SPMIP3: variants seen among roughly 807,000 people sequenced by gnomAD.
SPMIP3 encodes the protein sperm microtubule inner protein 3.
chr1:244,385,538 A>G, the SPMIP3 span, among the ~76,000 whole-genome samples: 1 of 152,070 alleles, frequency 6.6e-6, no homozygotes, highest in Admixed American at 6.6e-5. Flanking sequence ...CAAATAACTC[A>G]TTTTTCCAAA....
chr1:244,363,458 T>G, the SPMIP3 span, among the ~76,000 whole-genome samples: 1 of 151,916 alleles, frequency 6.6e-6, no homozygotes, highest in African/African-American at 2.4e-5. Context: ...AGAAACAACC[T>G]ATATGTTTAG....
chr1:244,360,546 ACACACACACACATG>A, the SPMIP3 span, among the ~76,000 whole-genome samples: 166 of 60,584 alleles, frequency 2.7e-3, no homozygotes, highest in African/African-American at 9.3e-3. Flanking sequence ...ACACACACAC[ACACACACACACATG>A]CATGCATGGA....
chr1:244,359,748 A>G, the SPMIP3 span, among the ~76,000 whole-genome samples: 4,488 of 151,992 alleles, frequency 0.03, 215 homozygotes, highest in African/African-American at 0.1. Flanking sequence ...ATTAATTAAA[A>G]TAAGCAAAAA....
At chr1:244,360,116 A>C in the SPMIP3 span, among the ~76,000 whole-genome samples, 3 of 152,162 alleles carry the variant, frequency 2.0e-5, no homozygotes, top group Non-Finnish European at 4.4e-5. Context: ...TAAAAAAAAA[A>C]AGTTCAACAT....
chr1:244,388,436 T>G, the SPMIP3 span, among the ~76,000 whole-genome samples: 1 of 150,824 alleles, frequency 6.6e-6, no homozygotes, highest in African/African-American at 2.4e-5. Context: ...CCTTTGCTAT[T>G]GACTGTTTTT....
chr1:244,382,610 T>G, the SPMIP3 span, among the ~76,000 whole-genome samples: 3 of 148,250 alleles, frequency 2.0e-5, no homozygotes, highest in African/African-American at 5.0e-5. Context: ...GTTTTTTTTT[T>G]TTTTTTTTTT....
At chr1:244,360,509 TACACACACACAC>T in the SPMIP3 span, among the ~76,000 whole-genome samples, 61 of 59,148 alleles carry the variant, frequency 1.0e-3, 1 homozygote, top group East Asian at 4.0e-3. Context: ...AAACGTGATA[TACACACACACAC>T]ACACACACAC....
At chr1:244,355,491 G>T in the SPMIP3 span, among the ~76,000 whole-genome samples, 2 of 151,832 alleles carry the variant, frequency 1.3e-5, no homozygotes, top group African/African-American at 2.4e-5. Flanking sequence ...GGGTTCAAGC[G>T]ATTCTCCTGC....
chr1:244,374,575 T>C, the SPMIP3 span, among the ~76,000 whole-genome samples: 1 of 150,010 alleles, frequency 6.7e-6, no homozygotes, highest in Admixed American at 6.8e-5. Context: ...GTTTACGGAT[T>C]CCCACATTTC....
At chr1:244,376,033 C>T in the SPMIP3 span, among the ~76,000 whole-genome samples, 1 of 152,106 alleles carries the variant, frequency 6.6e-6, no homozygotes, top group African/African-American at 2.4e-5. Context: ...AGTACTCTCA[C>T]CCATCATTCA....
the SPMIP3 span, among the ~76,000 whole-genome samples, chr1:244,379,074 G>A: frequency 4.6e-5 from 7 of 151,884 alleles, no homozygotes; most frequent in African/African-American, 9.7e-5. Flanking sequence ...GACTACAGGC[G>A]CCGCCACCAC....
chr1:244,379,908 C>A, the SPMIP3 span, among the ~76,000 whole-genome samples: 1 of 150,312 alleles, frequency 6.7e-6, no homozygotes, highest in Admixed American at 6.6e-5. Context: ...GCGGAGGTTG[C>A]GGTGAGCCGA....
the SPMIP3 span, among the ~76,000 whole-genome samples, chr1:244,380,838 A>G: frequency 6.6e-6 from 1 of 151,500 alleles, no homozygotes; most frequent in South Asian, 2.1e-4. Flanking sequence ...AGGGAGGGAG[A>G]GGTGGATCTT....
At chr1:244,376,566 A>T in the SPMIP3 span, 1 of 151,942 alleles carries the variant, frequency 6.6e-6, no homozygotes, top group African/African-American at 2.4e-5. Flanking sequence ...CATCACCCAG[A>T]GATAATCCTG....
At chr1:244,380,840 G>A in the SPMIP3 span, among the ~76,000 whole-genome samples, 1 of 152,108 alleles carries the variant, frequency 6.6e-6, no homozygotes, top group Admixed American at 6.6e-5. Flanking sequence ...GGAGGGAGAG[G>A]TGGATCTTGG....
chr1:244,374,566 T>A, the SPMIP3 span, among the ~76,000 whole-genome samples: 3 of 151,524 alleles, frequency 2.0e-5, no homozygotes, highest in Non-Finnish European at 4.4e-5. Flanking sequence ...GAGCCCTCCG[T>A]TTACGGATTC....
At chr1:244,377,083 C>T in the SPMIP3 span, among the ~76,000 whole-genome samples, 12 of 151,994 alleles carry the variant, frequency 7.9e-5, no homozygotes, top group African/African-American at 2.7e-4. Flanking sequence ...GATGGGATTA[C>T]AGGCATGAGC....
chr1:244,377,251 A>G, the SPMIP3 span, among the ~76,000 whole-genome samples: 1 of 151,908 alleles, frequency 6.6e-6, no homozygotes, highest in Non-Finnish European at 1.5e-5. Context: ...CCTCCCGAGT[A>G]GCTGGGACTA....
At chr1:244,385,829 A>C in the SPMIP3 span, among the ~76,000 whole-genome samples, 1 of 152,170 alleles carries the variant, frequency 6.6e-6, no homozygotes. Context: ...AAATCGGTGC[A>C]CAAGGTAAAA....
Sources: allele counts gnomAD v4.1 joint callset (sites outside exome capture counted in the v4.1 genomes callset), GRCh38; gene constraint gnomAD v4.1.1; transcripts MANE v1.5; gene names NCBI Gene and HGNC (gene_info 2026-07-23, HGNC 2026-07-21).